Variants in PSD3 observed in about 807,000 individuals in gnomAD.
PSD3 encodes pleckstrin and Sec7 domain containing 3, also known as PH and SEC7 domain-containing protein 3.
PSD3 carries 49 observed loss-of-function variants against 105.5 expected under a neutral mutation model. The observed-to-expected ratio is 0.46, with a 90% CI of 0.37 to 0.59. The LOEUF (loss-of-function observed/expected upper bound fraction) is 0.59, where lower values mean the gene tolerates loss of function less well. Among genes scored for constraint, PSD3 ranks in the 20% least tolerant of loss-of-function variants. The probability of loss-of-function intolerance (pLI) is 0.00; values close to 1 mark genes in which losing one functional copy is unlikely to be tolerated. For missense variants in PSD3, 1,561 were observed against 1,263.8 expected, an observed-to-expected ratio of 1.24 and a Z score of -3.57; for synonymous variants, 557 against 457.8, an observed-to-expected ratio of 1.22 and a Z score of -2.77.
At chr8:18,545,477 G>T (rs1563307938) in intron 15 of PSD3, among the ~76,000 whole-genome samples, 1 of 145,730 alleles carries the variant, frequency 6.9e-6, no homozygotes, top group African/African-American at 2.5e-5. Flanking sequence ...CAACAAAATG[G>T]AAAAAAAAAA....
At chr8:18,879,082 ACACACG>A (rs60414965) in intron 2 of PSD3, among the ~76,000 whole-genome samples, 11,511 of 143,478 alleles carry the variant, frequency 0.08, 397 homozygotes, top group South Asian at 0.11. Flanking sequence ...ACACACACAC[ACACACG>A]CACACACAAC....
intron 11 of PSD3, among the ~76,000 whole-genome samples, chr8:18,605,476 A>T (rs1051617634): frequency 2.6e-5 from 4 of 152,132 alleles, no homozygotes; most frequent in African/African-American, 9.7e-5. Context: ...TTGATTTTAC[A>T]GGTTCATAGG....
chr8:19,008,480 C>A (rs1274614853), intron 1 of PSD3, among the ~76,000 whole-genome samples: 1 of 152,202 alleles, frequency 6.6e-6, no homozygotes, highest in Non-Finnish European at 1.5e-5. Flanking sequence ...TGCCATCACT[C>A]TTATACCTAA....
chr8:18,603,737 G>A (rs115772112), intron 11 of PSD3, among the ~76,000 whole-genome samples: 20 of 152,276 alleles, frequency 1.3e-4, no homozygotes, highest in African/African-American at 4.3e-4. Flanking sequence ...TCCGCTTCTC[G>A]TGACACTGAG....
chr8:18,666,021 A>G (rs1799429809), intron 9 of PSD3, among the ~76,000 whole-genome samples: 1 of 152,190 alleles, frequency 6.6e-6, no homozygotes, highest in African/African-American at 2.4e-5. Flanking sequence ...GAAGGCTCCA[A>G]TGACACACAT....
intron 9 of PSD3, among the ~76,000 whole-genome samples, chr8:18,657,245 GCAAA>G (rs112817839): frequency 0.03 from 4,587 of 152,230 alleles, 64 homozygotes; most frequent in East Asian, 0.057. Flanking sequence ...ATGTGTGTAA[GCAAA>G]CAATGCACAC....
intron 12 of PSD3, among the ~76,000 whole-genome samples, chr8:18,593,447 C>T (rs4921939): frequency 0.48 from 72,145 of 151,790 alleles, 17,313 homozygotes; most frequent in South Asian, 0.59. Flanking sequence ...CCAGTTAGAA[C>T]GGCGATCGTT....
At chr8:18,696,280 A>T (rs144782816) in intron 9 of PSD3, among the ~76,000 whole-genome samples, 1 of 152,356 alleles carries the variant, frequency 6.6e-6, no homozygotes, top group East Asian at 1.9e-4. Context: ...TTCCCCAGGG[A>T]ATTTCATACA....
chr8:18,952,769 C>A (rs75856317), intron 1 of PSD3, among the ~76,000 whole-genome samples: 3 of 152,162 alleles, frequency 2.0e-5, no homozygotes, highest in Non-Finnish European at 4.4e-5. Context: ...TTCAGGAGAG[C>A]CCTTCGAAGC....
intron 12 of PSD3, among the ~76,000 whole-genome samples, chr8:18,594,968 T>C (rs1453686732): frequency 1.3e-5 from 2 of 152,052 alleles, no homozygotes; most frequent in Admixed American, 6.6e-5. Flanking sequence ...GCTGAGCATA[T>C]GTAGGAAAAA....
chr8:18,988,684 A>G (rs1472173676), intron 1 of PSD3, among the ~76,000 whole-genome samples: 1 of 152,180 alleles, frequency 6.6e-6, no homozygotes, highest in East Asian at 1.9e-4. Context: ...TAATGACACT[A>G]TCACATGTTT....
chr8:18,713,042 T>C (rs572690957), intron 9 of PSD3, among the ~76,000 whole-genome samples: 1 of 152,292 alleles, frequency 6.6e-6, no homozygotes, highest in East Asian at 1.9e-4. Flanking sequence ...ACCACGGGAT[T>C]ATCTCGATAG....
At chr8:18,801,655 C>T (rs567462281) in intron 6 of PSD3, among the ~76,000 whole-genome samples, 4 of 152,188 alleles carry the variant, frequency 2.6e-5, no homozygotes, top group Non-Finnish European at 4.4e-5. Flanking sequence ...CATGGCGAAA[C>T]CCCATCTCTA....
chr8:18,551,786 T>C (rs549936277), intron 15 of PSD3, among the ~76,000 whole-genome samples: 2 of 152,322 alleles, frequency 1.3e-5, no homozygotes, highest in South Asian at 4.1e-4. Flanking sequence ...GATTGGAACC[T>C]GAAAACACAT....
At chr8:18,783,921 C>A (rs1808877933) in intron 8 of PSD3, among the ~76,000 whole-genome samples, 1 of 152,208 alleles carries the variant, frequency 6.6e-6, no homozygotes, top group Non-Finnish European at 1.5e-5. Flanking sequence ...GCCACTGCAA[C>A]CGGCCAACAT....
intron 1 of PSD3, among the ~76,000 whole-genome samples, chr8:19,027,194 C>G (rs1440261536): frequency 6.6e-6 from 1 of 151,864 alleles, no homozygotes; most frequent in African/African-American, 2.4e-5. Context: ...CTCATTCTGT[C>G]AGATCAGAGG....
chr8:18,743,703 C>T (rs80340511), intron 9 of PSD3, among the ~76,000 whole-genome samples: 2,323 of 150,328 alleles, frequency 0.015, 43 homozygotes, highest in Middle Eastern at 0.048. Flanking sequence ...TTTGGGAGGC[C>T]GAGGGGGAAG....
intron 1 of PSD3, among the ~76,000 whole-genome samples, chr8:19,033,731 A>T (rs1002473865): frequency 6.6e-6 from 1 of 151,988 alleles, no homozygotes; most frequent in Non-Finnish European, 1.5e-5. Context: ...CACTCCCAGG[A>T]ATTGAAGTCT....
chr8:18,717,227 TTTTAA>T (rs1402512512), intron 9 of PSD3, among the ~76,000 whole-genome samples: 1 of 152,180 alleles, frequency 6.6e-6, no homozygotes, highest in Non-Finnish European at 1.5e-5. Context: ...ATTACGTTTA[TTTTAA>T]TTTTTTTTTC....
Sources: allele counts gnomAD v4.1 joint callset (sites outside exome capture counted in the v4.1 genomes callset), GRCh38; gene constraint gnomAD v4.1.1; transcripts MANE v1.5; gene names NCBI Gene and HGNC (gene_info 2026-07-23, HGNC 2026-07-21).